MTG2: variants seen among roughly 807,000 people sequenced by gnomAD.
MTG2 encodes the protein mitochondrial ribosome associated GTPase 2, also known as mitochondrial ribosome-associated GTPase 2.
A neutral mutation model predicts 28.6 loss-of-function variants in MTG2; 23 were observed. The ratio of observed to expected loss-of-function variants is 0.80; its 90% CI spans 0.58 to 1.14. The LOEUF (loss-of-function observed/expected upper bound fraction) is 1.14. Among genes scored for constraint, MTG2 ranks in the 50% most tolerant of loss-of-function variants. The probability of loss-of-function intolerance (pLI) is 0.00; values close to 1 mark genes in which losing one functional copy is unlikely to be tolerated. For missense variants in MTG2, 539 were observed against 552.0 expected (o/e 0.98, Z 0.24); for synonymous variants, 260 against 251.8 (o/e 1.03, Z -0.31).
intron 2 of MTG2, among the ~76,000 whole-genome samples, chr20:62,194,700 AGCCCTGGGTG>A (rs750759493): frequency 6.6e-6 from 1 of 152,226 alleles, no homozygotes; most frequent in Non-Finnish European, 1.5e-5. Context: ...CAGAGGCAGC[AGCCCTGGGTG>A]GCTGTCAGGG....
At position 62,197,697 on chromosome 20, in the gene MTG2, T is replaced by A. The variant is rs115118032; in HGVS notation, c.353-155T>A. On this transcript the variant is annotated intron_variant, in intron 3 of 6. Coordinates refer to ENST00000370823, the MANE Select transcript of MTG2 (RefSeq NM_015666.4). ...TGAAGGAAAATAAGGATTTCATTTT[T>A]AAAAAATCACTTTGCTGGTTTTGTA... The A allele has an allele frequency of 2.4e-3, 1,441 of 607,388 alleles. 22 individuals are homozygous for A. The highest frequency in any genetic ancestry group is 0.023 in the African/African-American group (1,231 of 53,956). The allele number at this position is 607,388 out of a possible 1,614,324, so 37.6% of individuals were successfully genotyped here. A position where few individuals can be genotyped will look rare whatever the true frequency, so the allele number is the denominator to read the frequency against.
chr20:62,198,690 C>G lies in MTG2; in HGVS notation c.525C>G (p.Cys175Trp). 1 of 1,614,086 alleles carries G rather than the reference C, an allele frequency of 6.2e-7. No individual in the cohort carries two copies. Among genetic ancestry groups the G allele is most frequent in the South Asian group, 1.1e-5 (1 of 91,088 alleles). ...EGGRVVADLSCVGDEYIAALG... is the reference protein window; with the variant it reads ...EGGRVVADLSWVGDEYIAALG... ...GCAGAGTTGTGGCCGACCTGTCTTG[C>G]GTGGGAGATGAGTACATTGCCGCGC... Residue 175 changes from cysteine (C) to tryptophan (W), a missense_variant, in exon 5 of 7, where the codon TGC (cysteine) becomes TGG (tryptophan). Physicochemically the swap from Cys to Trp is radical, Grantham distance 215. Coordinates refer to ENST00000370823, the MANE Select transcript of MTG2 (RefSeq NM_015666.4).
intron 1 of MTG2, among the ~76,000 whole-genome samples, chr20:62,184,045 C>T (rs8184517): frequency 0.083 from 12,687 of 152,246 alleles, 640 homozygotes; most frequent in South Asian, 0.21. Context: ...TTTAGATGGG[C>T]ATAAAAAATG....
At chr20:62,200,652 G>C in intron 6 of MTG2, 31 bp from the exon 7 acceptor site, 1 of 1,557,746 alleles carries the variant, frequency 6.4e-7, no homozygotes, top group Middle Eastern at 1.8e-4. Context: ...GTGCCAAGTG[G>C]TCACCTCGTG....
At chr20:62,189,956 C>A (rs538316344) in intron 1 of MTG2, among the ~76,000 whole-genome samples, 1 of 152,330 alleles carries the variant, frequency 6.6e-6, no homozygotes, top group South Asian at 2.1e-4. Flanking sequence ...AGCCACCGCG[C>A]CCAGCCAACA....
rs187247879 is a variant in MTG2 at position 62,200,877 on chromosome 20, G to A, written c.1021G>A (p.Ala341Thr). Residue 341 changes from alanine (A) to threonine (T), a missense_variant, in exon 7 of 7, where the codon GCA (alanine) becomes ACA (threonine). By Grantham distance (58) the Ala-to-Thr change is moderately conservative. Coordinates refer to ENST00000370823, the MANE Select transcript of MTG2 (RefSeq NM_015666.4). ...AAAGGGCCTGTCTGCGAGGCCCCACGCAATCGTCGCAAACAAGATTGACCT... is the reference window on the plus strand; with the variant it reads ...AAAGGGCCTGTCTGCGAGGCCCCACACAATCGTCGCAAACAAGATTGACCT... ...YEKGLSARPH[A>T]IVANKIDLPE... is the part of the protein sequence containing the mutation. The A allele has an allele frequency of 2.7e-5, 43 of 1,613,986 alleles. No homozygotes were observed. The Admixed American group carries it at 5.2e-4, about 19-fold the overall frequency.
At chr20:62,198,286 G>A in intron 4 of MTG2, 1 of 520,752 alleles carries the variant, frequency 1.9e-6, no homozygotes, top group Non-Finnish European at 3.5e-6. Flanking sequence ...TCTGACTGAG[G>A]GAGGCCACTG....
Position 62,203,076 on chromosome 20 carries a change from T to C in MTG2, c.*1999T>C, listed in dbSNP as rs2058201148. 6.6e-6 allele frequency: 1 copy of C among 152,272 alleles called. No individual in the cohort carries two copies. The highest frequency in any genetic ancestry group is 1.5e-5 in the Non-Finnish European group (1 of 68,044). 9.4% of individuals were successfully genotyped at this position (152,272 alleles called of 1,614,324 possible). A position where few individuals can be genotyped will look rare whatever the true frequency, so the allele number is the denominator to read the frequency against. ...ATGGGTTTTGCATCTATTTGCTTTT[T>C]CTTTCAGGCCGCCACAAAGGATTTT... On this transcript the variant is annotated 3_prime_UTR_variant, in exon 7 of 7. Transcript: ENST00000370823.
chr20:62,197,747 G>C (rs530506749), intron 3 of MTG2, 105 bp from the exon 4 acceptor site: 47 of 853,460 alleles, frequency 5.5e-5, no homozygotes, highest in African/African-American at 4.9e-4. Flanking sequence ...CTCACTCCAT[G>C]CTTCCATACC....
rs1427874080 is a variant in MTG2 at position 62,200,724 on chromosome 20, A to G, written c.868A>G (p.Arg290Gly). ...CATCATACGAGGCGCCCACCAGAAC[A>G]GGGGTCTGGGGTCCGCCTTCCTCAG... ...PGIIRGAHQNRGLGSAFLRHI... is the reference protein window; with the variant it reads ...PGIIRGAHQNGGLGSAFLRHI... Residue 290 changes from arginine to glycine, a missense_variant, in exon 7 of 7, where the codon AGG becomes GGG. By Grantham distance (125) the Arg-to-Gly change is moderately radical (BLOSUM62 -2). Transcript: ENST00000370823. 3 of 1,613,044 alleles carry G rather than the reference A, an allele frequency of 1.9e-6. No homozygotes were observed. The highest frequency in any genetic ancestry group is 2.5e-6 in the Non-Finnish European group (3 of 1,179,908).
intron 3 of MTG2, among the ~76,000 whole-genome samples, chr20:62,197,047 A>G (rs1057217755): frequency 2.0e-5 from 3 of 152,026 alleles, no homozygotes; most frequent in Non-Finnish European, 4.4e-5. Context: ...AAATAAAAAC[A>G]TAAAACATAA....
intron 1 of MTG2, among the ~76,000 whole-genome samples, chr20:62,191,621 G>A (rs776242161): frequency 6.6e-6 from 1 of 152,208 alleles, no homozygotes; most frequent in Non-Finnish European, 1.5e-5. Context: ...GCACTGCGAG[G>A]GAGGAGGCAG....
intron 1 of MTG2, among the ~76,000 whole-genome samples, chr20:62,187,030 T>C (rs1051124933): frequency 2.6e-5 from 4 of 152,242 alleles, no homozygotes; most frequent in African/African-American, 9.6e-5. Flanking sequence ...CGGCCGGCCC[T>C]ACGTAGTGCC....
chr20:62,183,595 G>A (rs1164637494), intron 1 of MTG2, among the ~76,000 whole-genome samples: 1 of 152,216 alleles, frequency 6.6e-6, no homozygotes, highest in East Asian at 1.9e-4. Flanking sequence ...GCTGGCTTCT[G>A]CCCAGTGAGA....
chr20:62,184,876 G>A (rs1007559389), intron 1 of MTG2, among the ~76,000 whole-genome samples: 22 of 152,218 alleles, frequency 1.4e-4, no homozygotes, highest in African/African-American at 4.3e-4. Flanking sequence ...TTGGGGGGCC[G>A]AGGCAGGTGG....
intron 5 of MTG2, 69 bp downstream of exon 5, chr20:62,198,921 G>T: frequency 6.3e-7 from 1 of 1,595,146 alleles, no homozygotes; most frequent in Non-Finnish European, 8.6e-7. Context: ...TCTCAATGGG[G>T]ATTTGCCAGT....
chr20:62,194,328 G>A (rs1238266128), intron 2 of MTG2, among the ~76,000 whole-genome samples: 2 of 152,312 alleles, frequency 1.3e-5, no homozygotes, highest in East Asian at 3.9e-4. Context: ...ACTTCCAGTG[G>A]AAAAGCCGCT....
chr20:62,197,613 G>GA (rs1169371103), intron 3 of MTG2: 2 of 460,470 alleles, frequency 4.3e-6, no homozygotes, highest in Non-Finnish European at 7.9e-6. Flanking sequence ...CAAAAGCATA[G>GA]AATACAGCTA....
At position 62,200,699 on chromosome 20, in the gene MTG2, C is replaced by T. The variant is rs777639547; in HGVS notation, c.843C>T (p.Gly281=). The part of the protein sequence containing the change: ...HLQIAVADIP[G]IIRGAHQNRG... ...TCCCTGCAGTGGCCGACATCCCCGG[C>T]ATCATACGAGGCGCCCACCAGAACA... Residue 281 remains glycine (G), a synonymous_variant, in exon 7 of 7, where the codon GGC becomes GGT. Coordinates refer to ENST00000370823, the MANE Select transcript of MTG2 (RefSeq NM_015666.4). 2.5e-6 allele frequency: 4 copies of T among 1,609,894 alleles called. No individual in the cohort carries two copies. The South Asian group carries it at 4.4e-5, about 18-fold the overall frequency.
Sources: gnomAD v4.1 joint callset for allele counts (sites outside exome capture counted in the v4.1 genomes callset) on GRCh38, gnomAD v4.1.1 for gene constraint, MANE v1.5 for transcripts, NCBI Gene and HGNC (gene_info 2026-07-23, HGNC 2026-07-21) for gene names.